Variants in HCFC2 observed in about 807,000 individuals in gnomAD.
The protein encoded by HCFC2 is host cell factor 2.
In HCFC2, 18 loss-of-function variants were observed where a neutral mutation model predicts 89.2. That is an observed-to-expected ratio of 0.20 (90% confidence interval 0.14 to 0.30). The LOEUF (loss-of-function observed/expected upper bound fraction) is 0.30, where lower values mean the gene tolerates loss of function less well. HCFC2 is among the 10% of genes least tolerant of loss of function. HCFC2 has a pLI of 1.00. For missense variants in HCFC2, 578 were observed against 956.1 expected, an observed-to-expected ratio of 0.60 and a Z score of 5.21; for synonymous variants, 308 against 335.7, an observed-to-expected ratio of 0.92 and a Z score of 0.90.
chr12:104,065,066 CA>C, intron 1 of HCFC2: 1 of 196,250 alleles, frequency 5.1e-6, no homozygotes, highest in Non-Finnish European at 1.0e-5. Flanking sequence ...TCGCCTCTGT[CA>C]AAAAACAAAA....
intron 14 of HCFC2, among the ~76,000 whole-genome samples, chr12:104,102,669 C>G (rs1014856332): frequency 6.6e-6 from 1 of 152,126 alleles, no homozygotes; most frequent in Non-Finnish European, 1.5e-5. Context: ...TATATTTTAT[C>G]CTAATGTCCT....
At chr12:104,096,117 C>G (rs991294476) in intron 11 of HCFC2, among the ~76,000 whole-genome samples, 1 of 151,854 alleles carries the variant, frequency 6.6e-6, no homozygotes, top group Non-Finnish European at 1.5e-5. Flanking sequence ...GTCATCAAAC[C>G]CTTGAAAAAT....
chr12:104,079,056 T>C (rs183269545), intron 3 of HCFC2, among the ~76,000 whole-genome samples: 1 of 152,274 alleles, frequency 6.6e-6, no homozygotes, highest in Admixed American at 6.5e-5. Flanking sequence ...CATACCCTAT[T>C]AATCAAAGCA....
intron 1 of HCFC2, among the ~76,000 whole-genome samples, chr12:104,065,898 A>G (rs1169395531): frequency 6.6e-6 from 1 of 152,106 alleles, no homozygotes; most frequent in Non-Finnish European, 1.5e-5. Context: ...TGGGCCAGGT[A>G]ATTCTTTGTT....
intron 7 of HCFC2, among the ~76,000 whole-genome samples, chr12:104,083,479 T>G (rs1444094320): frequency 6.6e-6 from 1 of 152,208 alleles, no homozygotes; most frequent in East Asian, 1.9e-4. Flanking sequence ...ACATTACAAC[T>G]GAATGTGATG....
At chr12:104,072,865 C>G (rs987150963) in intron 3 of HCFC2, among the ~76,000 whole-genome samples, 10 of 151,848 alleles carry the variant, frequency 6.6e-5, no homozygotes, top group African/African-American at 2.4e-4. Flanking sequence ...AGGATGGTCT[C>G]GATCTCCTGA....
intron 10 of HCFC2, among the ~76,000 whole-genome samples, chr12:104,094,015 G>T (rs1009816884): frequency 6.6e-6 from 1 of 152,094 alleles, no homozygotes; most frequent in Admixed American, 6.5e-5. Flanking sequence ...TTGTATATGA[G>T]AAATAAAAAT....
At chr12:104,089,283 C>T (rs1883955797) in intron 9 of HCFC2, among the ~76,000 whole-genome samples, 2 of 152,054 alleles carry the variant, frequency 1.3e-5, no homozygotes, top group African/African-American at 2.4e-5. Context: ...GAGGCCAAGG[C>T]GGGCAGATCA....
In HCFC2 at chr12:104,105,049, T is replaced by C. The variant is rs1173855560; in HGVS notation, c.*1776T>C. 8 of 152,076 alleles carry C rather than the reference T, an allele frequency of 5.3e-5. No homozygotes were observed. The highest frequency in any genetic ancestry group is 1.2e-4 in the Non-Finnish European group (8 of 67,902). 9.4% of individuals were successfully genotyped at this position (152,076 alleles called of 1,614,324 possible). The stretch of plus-strand genomic sequence containing the variant: ...ACTAGTAGAATTTTAACTTACCTCA[T>C]TATTATGTTTGTAATCATTTGTCTA... On this transcript the variant is annotated 3_prime_UTR_variant, in exon 15 of 15. Transcript: ENST00000229330.
rs1460649084 is a variant in HCFC2 at position 104,102,969 on chromosome 12, G to A, written c.2075G>A (p.Gly692Asp). ...CCCCCCCCCTTCAAGAATGTTGAAG[G>A]TATCCACCTTTCCTGGGAACCTCCA... ...SAVRISKNVE[G>D]IHLSWEPPTS... The change falls in exon 15 of 15, where the codon GGT becomes GAT. Residue 692 changes from glycine to aspartate, a missense_variant. Physicochemically the swap from Gly to Asp is moderately conservative, Grantham distance 94. This residue lies in a region of HCFC2 where 140 missense variants were observed against 266.4 expected (regional missense o/e 0.53). Coordinates refer to ENST00000229330, the MANE Select transcript of HCFC2 (RefSeq NM_013320.3). The A allele has an allele frequency of 6.2e-7, 1 of 1,608,900 alleles. No homozygotes were observed. Among genetic ancestry groups the A allele is most frequent in the African/African-American group, 1.3e-5 (1 of 74,776 alleles).
At chr12:104,070,261 C>G (rs1386054541) in intron 3 of HCFC2, among the ~76,000 whole-genome samples, 1 of 138,246 alleles carries the variant, frequency 7.2e-6, no homozygotes, top group Admixed American at 7.1e-5. Context: ...ATCTCCTGAC[C>G]TCGTGATCTG....
Position 104,085,666 on chromosome 12 carries a change from A to G in HCFC2, c.1064-1181A>G, listed in dbSNP as rs897041678. Among the ~76,000 whole-genome samples the G allele has an allele frequency of 4.0e-5, 6 of 151,786 alleles. No homozygotes were observed. The South Asian group carries it at 1.2e-3, about 32-fold the overall frequency. On this transcript the variant is annotated intron_variant, in intron 7 of 14. Transcript: ENST00000229330. The stretch of plus-strand genomic sequence containing the variant: ...ATTTTGCTTTTCCTCTTGATAAGTT[A>G]GCATCAGTTTTGGTGGAAGAGGGGG...
At chr12:104,069,143 C>CA (rs560095368) in intron 3 of HCFC2, among the ~76,000 whole-genome samples, 34 of 151,866 alleles carry the variant, frequency 2.2e-4, no homozygotes, top group Non-Finnish European at 2.4e-4. Flanking sequence ...CCATCTCTAC[C>CA]AAAAATACAA....
chr12:104,093,682 A>G, intron 10 of HCFC2, 119 bp downstream of exon 10: 2 of 772,190 alleles, frequency 2.6e-6, no homozygotes, highest in South Asian at 3.5e-5. Context: ...AAAAACTGCC[A>G]TATTCAACCT....
intron 2 of HCFC2, 83 bp from the exon 3 acceptor site, chr12:104,067,864 A>T: frequency 8.0e-7 from 1 of 1,255,936 alleles, no homozygotes; most frequent in South Asian, 2.0e-5. Context: ...ATTAAAATGT[A>T]TTGATATGAT....
chr12:104,072,441 A>G lies in HCFC2; in HGVS notation c.473+4334A>G, dbSNP rs568334591. On this transcript the variant is annotated intron_variant, in intron 3 of 14. Coordinates refer to ENST00000229330, the MANE Select transcript of HCFC2 (RefSeq NM_013320.3). ...TTTTGATAGGGATTTCACTGATTAT[A>G]TATCAGTTTGAGGAGAATCACCATC... is the stretch of plus-strand genomic sequence containing the variant. Among the ~76,000 whole-genome samples, 6 of 152,100 alleles carry G rather than the reference A, an allele frequency of 3.9e-5. No homozygotes were observed. In the South Asian group the frequency reaches 8.3e-4, roughly 21 times the overall value.
chr12:104,073,343 T>G (rs554950862), intron 3 of HCFC2, among the ~76,000 whole-genome samples: 18 of 151,966 alleles, frequency 1.2e-4, no homozygotes, highest in Non-Finnish European at 2.1e-4. Flanking sequence ...TTTTGTATTT[T>G]TAGTAGAGGC....
At position 104,095,069 on chromosome 12, in the gene HCFC2, T is replaced by C. The variant is rs779365387; in HGVS notation, c.1463-291T>C. Among the ~76,000 whole-genome samples, 3 of 151,822 alleles carry C rather than the reference T, an allele frequency of 2.0e-5. No homozygotes were observed. The highest frequency in any genetic ancestry group is 4.4e-5 in the Non-Finnish European group (3 of 67,974). On this transcript the variant is annotated intron_variant, in intron 10 of 14. Transcript: ENST00000229330. The surrounding 1 kb of genome is among the most constrained non-coding windows in gnomAD (Gnocchi z 4.2). ...TTAATGACCTCTAATATTTTTTTCCTGAAATGAAGGGCAGAGCCATTTGAT... is the reference window on the plus strand; with the variant it reads ...TTAATGACCTCTAATATTTTTTTCCCGAAATGAAGGGCAGAGCCATTTGAT...
At chr12:104,084,311 C>G (rs899496230) in intron 7 of HCFC2, among the ~76,000 whole-genome samples, 3 of 152,006 alleles carry the variant, frequency 2.0e-5, no homozygotes, top group African/African-American at 7.3e-5. Flanking sequence ...AGGTATTGGG[C>G]GTGGGAGTGG....
Sources: allele counts gnomAD v4.1 joint callset (sites outside exome capture counted in the v4.1 genomes callset), GRCh38; gene constraint gnomAD v4.1.1; regional missense constraint gnomAD v4.1.1; non-coding constraint Gnocchi (gnomAD v3.1); transcripts MANE v1.5; gene names NCBI Gene and HGNC (gene_info 2026-07-23, HGNC 2026-07-21).